The following CEP290 variants were observed in gnomAD, a reference collection of about 807,000 sequenced individuals.
The protein encoded by CEP290 is centrosomal protein of 290 kDa.
Under a neutral mutation model 344.9 loss-of-function variants are expected in CEP290, and 317 were observed. The ratio of observed to expected loss-of-function variants is 0.92; its 90% CI spans 0.84 to 1.01. The LOEUF (loss-of-function observed/expected upper bound fraction) is 1.01, where lower values mean the gene tolerates loss of function less well. Among genes scored for constraint, CEP290 ranks in the 50% least tolerant of loss-of-function variants. The pLI, the probability that CEP290 is intolerant of heterozygous loss-of-function variation, is 0.00. For synonymous variants in CEP290, 932 were observed against 895.8 expected (o/e 1.04, Z -0.72); for missense variants, 2,754 against 2,761.4 (o/e 1.00, Z 0.06).
At position 88,126,430 on chromosome 12, in the gene CEP290, CA is replaced by C; in HGVS notation, c.950del (p.Leu317CysfsTer18). ...CAATAATTTCATCATCTTTAGAAGA[CA>C]AAATTAGCTAGAAATAAACACAATA... ...NAKVEEWKLI[L>X]SSKDDEIIEY... On this transcript the variant is annotated frameshift_variant, in exon 12 of 54. Coordinates refer to ENST00000552810, the MANE Select transcript of CEP290 (RefSeq NM_025114.4). LOFTEE classifies it high-confidence loss of function. 2 of 1,493,590 alleles carry C rather than the reference CA, an allele frequency of 1.3e-6. No homozygotes were observed. The highest frequency in any genetic ancestry group is 8.9e-7 in the Non-Finnish European group (1 of 1,122,498). The allele number at this position is 1,493,590 out of a possible 1,614,324, so 92.5% of individuals were successfully genotyped here.
intron 20 of CEP290, among the ~76,000 whole-genome samples, chr12:88,112,266 C>T (rs1299380929): frequency 6.6e-6 from 1 of 152,048 alleles, no homozygotes; most frequent in Admixed American, 6.6e-5. Flanking sequence ...GGTTTTTGTA[C>T]AGTCAAAATG....
intron 32 of CEP290, among the ~76,000 whole-genome samples, chr12:88,087,035 C>A (rs1565841191): frequency 1.3e-5 from 2 of 152,138 alleles, no homozygotes. Flanking sequence ...TGAGCTAAGA[C>A]CTGCAGGCAC....
chr12:88,114,480 A>C lies in CEP290; in HGVS notation c.1992T>G (p.Asp664Glu). ...ILQAIKEMQK[D>E]PDVKGGETSL... ...ATGTTTCTCCTCCTTTAACATCAGG[A>C]TCTTTCTGCATTTCCTTAATTGCTT... The change falls in exon 20 of 54, where the codon GAT (aspartate) becomes GAG (glutamate). Residue 664 changes from aspartate (D) to glutamate (E), a missense_variant. Coordinates refer to ENST00000552810, the MANE Select transcript of CEP290 (RefSeq NM_025114.4). The C allele has an allele frequency of 6.5e-7, 1 of 1,548,420 alleles. No homozygotes were observed. Among genetic ancestry groups the C allele is most frequent in the Non-Finnish European group, 8.7e-7 (1 of 1,145,528 alleles).
intron 9 of CEP290, 76 bp from the exon 10 acceptor site, chr12:88,129,952 G>A (rs537544760): frequency 4.0e-4 from 372 of 933,876 alleles, no homozygotes; most frequent in South Asian, 1.1e-3. Flanking sequence ...AAAATTAAAC[G>A]CAGCCATAAG....
At chr12:88,063,230 T>C (rs1339010465) in intron 45 of CEP290, among the ~76,000 whole-genome samples, 4 of 149,816 alleles carry the variant, frequency 2.7e-5, no homozygotes, top group Non-Finnish European at 3.0e-5. Flanking sequence ...AAGCAAGACA[T>C]AGCTTAACTA....
chr12:88,121,404 T>C (rs2039390546), intron 13 of CEP290, among the ~76,000 whole-genome samples: 2 of 152,274 alleles, frequency 1.3e-5, no homozygotes, highest in Middle Eastern at 3.4e-3. Flanking sequence ...GGTTGCAAAA[T>C]ACTGCTTTAC....
chr12:88,120,971 T>C, intron 14 of CEP290, 26 bp downstream of exon 14: 4 of 1,593,362 alleles, frequency 2.5e-6, no homozygotes, highest in Non-Finnish European at 3.4e-6. Context: ...TCTAAGCTCC[T>C]TGAATGACAA....
intron 8 of CEP290, 37 bp from the exon 9 acceptor site, chr12:88,130,457 T>C (rs766422079): frequency 1.3e-6 from 2 of 1,598,080 alleles, no homozygotes; most frequent in East Asian, 2.2e-5. Flanking sequence ...ATTACAAAAC[T>C]ATTCAGAATA....
chr12:88,064,977 A>T (rs2034792285), intron 44 of CEP290, among the ~76,000 whole-genome samples: 1 of 152,140 alleles, frequency 6.6e-6, no homozygotes, highest in Admixed American at 6.5e-5. Context: ...GAAAACCATT[A>T]ATATTATATT....
chr12:88,072,090 G>T (rs1311832405), intron 41 of CEP290, among the ~76,000 whole-genome samples, 164 bp from the exon 42 acceptor site: 2 of 151,988 alleles, frequency 1.3e-5, no homozygotes, highest in African/African-American at 4.8e-5. Flanking sequence ...CTTACGAAAC[G>T]CTTGGAACCA....
At chr12:88,096,800 T>C (rs1214142126) in intron 27 of CEP290, 88 bp downstream of exon 27, 1 of 681,182 alleles carries the variant, frequency 1.5e-6, no homozygotes, top group African/African-American at 1.9e-5. Context: ...ATACTTCCTT[T>C]TAATCTAGCA....
intron 52 of CEP290, among the ~76,000 whole-genome samples, chr12:88,050,816 C>T (rs1195892326): frequency 6.6e-6 from 1 of 152,184 alleles, no homozygotes; most frequent in African/African-American, 2.4e-5. Flanking sequence ...AATGCTCCCG[C>T]TATCCAACAC....
rs2040706720 is a variant in CEP290 at position 88,141,992 on chromosome 12, T to G, written c.-120A>C. On this transcript the variant is annotated 5_prime_UTR_variant, in exon 1 of 54. Coordinates refer to ENST00000552810, the MANE Select transcript of CEP290 (RefSeq NM_025114.4). ...GGCCCTGACAGATCCCTATCGCGGT[T>G]CCACGCGGACTCTGGGTCCAGCCAA... is the stretch of plus-strand genomic sequence containing the variant. 1 of 152,212 alleles carries G rather than the reference T, an allele frequency of 6.6e-6. No homozygotes were observed. Among genetic ancestry groups the G allele is most frequent in the Non-Finnish European group, 1.5e-5 (1 of 68,106 alleles). 9.4% of individuals were successfully genotyped at this position (152,212 alleles called of 1,614,324 possible). A position where few individuals can be genotyped will look rare whatever the true frequency, so the allele number is the denominator to read the frequency against.
At chr12:88,076,494 T>C (rs988957758) in intron 41 of CEP290, among the ~76,000 whole-genome samples, 2 of 152,122 alleles carry the variant, frequency 1.3e-5, no homozygotes, top group Non-Finnish European at 2.9e-5. Context: ...TGGCAAATAT[T>C]ACTGCTAACA....
intron 22 of CEP290, 26 bp downstream of exon 22, chr12:88,111,176 A>G (rs1304591848): frequency 1.5e-6 from 2 of 1,294,784 alleles, no homozygotes; most frequent in African/African-American, 3.1e-5. Flanking sequence ...TAAAATTTTC[A>G]ATACCTGTAA....
chr12:88,066,356 G>C (rs2034928060), intron 44 of CEP290, among the ~76,000 whole-genome samples: 1 of 151,874 alleles, frequency 6.6e-6, no homozygotes, highest in South Asian at 2.1e-4. Context: ...CTGGAGTGCA[G>C]TGGCACAATC....
chr12:88,061,627 A>G (rs2034487885), intron 46 of CEP290, among the ~76,000 whole-genome samples: 1 of 152,226 alleles, frequency 6.6e-6, no homozygotes, highest in Non-Finnish European at 1.5e-5. Flanking sequence ...TTAATCATCC[A>G]TGAATAAGAA....
chr12:88,084,702 T>G lies in CEP290; in HGVS notation c.4588A>C (p.Lys1530Gln), dbSNP rs748206094. ...AELGRKEMEP[K>Q]SHHTLKIAHQ... is the part of the protein sequence containing the mutation. ...GCAATTTTCAATGTGTGGTGAGATT[T>G]TGGTTCCATCTCTTTTCTGCCTAGC... is the stretch of plus-strand genomic sequence containing the variant. The change falls in exon 35 of 54, where the codon AAA becomes CAA. Residue 1530 changes from lysine to glutamine, a missense_variant. Transcript: ENST00000552810. 2 of 1,613,800 alleles carry G rather than the reference T, an allele frequency of 1.2e-6. No individual in the cohort carries two copies. The highest frequency in any genetic ancestry group is 2.2e-5 in the South Asian group (2 of 91,078).
chr12:88,124,136 T>C (rs2039585014), intron 13 of CEP290, among the ~76,000 whole-genome samples: 1 of 152,082 alleles, frequency 6.6e-6, no homozygotes, highest in African/African-American at 2.4e-5. Flanking sequence ...AGTCAAATTA[T>C]ATCATTTCTA....
Sources: allele counts gnomAD v4.1 joint callset (sites outside exome capture counted in the v4.1 genomes callset), GRCh38; gene constraint gnomAD v4.1.1; transcripts MANE v1.5; gene names NCBI Gene and HGNC (gene_info 2026-07-23, HGNC 2026-07-21).